The following CLRN3 variants were observed in gnomAD, a reference collection of about 807,000 sequenced individuals.
CLRN3 encodes clarin 3.
A neutral mutation model predicts 16.7 loss-of-function variants in CLRN3; 12 were observed. The observed-to-expected ratio is 0.72, with a 90% confidence interval of 0.46 to 1.16. CLRN3 has a LOEUF of 1.16. Ranked by LOEUF, CLRN3 falls within the 50% of genes most tolerant of loss-of-function variation. The pLI, the probability that CLRN3 is intolerant of heterozygous loss-of-function variation, is 0.00. For synonymous variants in CLRN3, 118 were observed against 113.0 expected, an observed-to-expected ratio of 1.04 and a Z score of -0.28; for missense variants, 296 against 274.2, an observed-to-expected ratio of 1.08 and a Z score of -0.56.
At chr10:127,888,274 G>A (rs188277023) in intron 1 of CLRN3, among the ~76,000 whole-genome samples, 1 of 152,326 alleles carries the variant, frequency 6.6e-6, no homozygotes, top group African/African-American at 2.4e-5. Flanking sequence ...AGGGAGCCCA[G>A]GCTGGTGCCC....
At chr10:127,885,831 C>A (rs1201204200) in intron 1 of CLRN3, among the ~76,000 whole-genome samples, 2 of 152,094 alleles carry the variant, frequency 1.3e-5, no homozygotes, top group Non-Finnish European at 2.9e-5. Context: ...TCTCGGCTCA[C>A]CCCAACCTCC....
At chr10:127,886,192 G>A (rs6482993) in intron 1 of CLRN3, among the ~76,000 whole-genome samples, 46,347 of 152,178 alleles carry the variant, frequency 0.3, 7,262 homozygotes, top group African/African-American at 0.36. Flanking sequence ...CCAGATAGAC[G>A]TGGGGCTCCC....
intron 1 of CLRN3, among the ~76,000 whole-genome samples, chr10:127,888,116 G>A (rs532244414): frequency 1.2e-3 from 181 of 152,338 alleles, no homozygotes; most frequent in African/African-American, 4.2e-3. Context: ...GGGAGAGCCC[G>A]TGGCTTTGTG....
At chr10:127,890,910 G>GA (rs1189319221) in intron 1 of CLRN3, among the ~76,000 whole-genome samples, 22 of 151,872 alleles carry the variant, frequency 1.4e-4, no homozygotes, top group African/African-American at 5.1e-4. Context: ...GGCTCTGAGA[G>GA]GTCCTTAGGT....
Position 127,892,617 on chromosome 10 carries a change from A to T in CLRN3, c.168T>A (p.Phe56Leu). Reference sequence around the variant, plus strand: ...TCAATTCTTCACTACTCTCCCCACGAAAAAGTCCGTAAGTGATGAAAATGC... The same window carrying T: ...TCAATTCTTCACTACTCTCCCCACGTAAAAGTCCGTAAGTGATGAAAATGC... Reference protein sequence around the residue: ...NGSIFITYGLFRGESSEELSH... With the variant: ...NGSIFITYGLLRGESSEELSH... Residue 56 changes from phenylalanine (F) to leucine (L), a missense_variant, in exon 1 of 3, where the codon TTT becomes TTA. Phe to Leu is a conservative substitution (Grantham distance 22). Transcript: ENST00000368671. 1 of 1,613,442 alleles carries T rather than the reference A, an allele frequency of 6.2e-7. No homozygotes were observed. The highest frequency in any genetic ancestry group is 8.5e-7 in the Non-Finnish European group (1 of 1,179,356).
chr10:127,887,946 G>A (rs376654210), intron 1 of CLRN3, among the ~76,000 whole-genome samples: 2 of 152,154 alleles, frequency 1.3e-5, no homozygotes, highest in Admixed American at 6.5e-5. Flanking sequence ...CGCAGATCCC[G>A]CACCTGGGAG....
intron 1 of CLRN3, among the ~76,000 whole-genome samples, chr10:127,889,105 A>G (rs1009626408): frequency 3.3e-5 from 5 of 152,174 alleles, no homozygotes; most frequent in African/African-American, 9.6e-5. Flanking sequence ...TCACATGAGG[A>G]GAAATATCTC....
rs1429434932 is a variant in CLRN3 at position 127,877,878 on chromosome 10, C to T, written c.*271G>A. 1.0e-5 allele frequency: 4 copies of T among 400,668 alleles called. No homozygotes were observed. The highest frequency in any genetic ancestry group is 4.7e-5 in the East Asian group (1 of 21,462). The allele number at this position is 400,668 out of a possible 1,614,324, so 24.8% of individuals were successfully genotyped here. On this transcript the variant is annotated 3_prime_UTR_variant, in exon 3 of 3. Coordinates refer to ENST00000368671, the MANE Select transcript of CLRN3 (RefSeq NM_152311.5). ...GACACAGCCTTTTATTATTTCAGAT[C>T]GTGAGACCAGGTCAGAAGGGTCGTT...
In CLRN3 at chr10:127,883,677, G is replaced by C. The variant is rs1234340578; in HGVS notation, c.409+19C>G. 6.3e-7 allele frequency: 1 copy of C among 1,579,154 alleles called. No homozygotes were observed. The highest frequency in any genetic ancestry group is 1.1e-5 in the South Asian group (1 of 90,346). ...GATGCAGTTTTCTGCAGAGCACCGAGTCTCACAGGGCCACTCACCACCGAG... is the reference window on the plus strand; with the variant it reads ...GATGCAGTTTTCTGCAGAGCACCGACTCTCACAGGGCCACTCACCACCGAG... On this transcript the variant is annotated intron_variant, in intron 2 of 2. Transcript: ENST00000368671.
intron 2 of CLRN3, among the ~76,000 whole-genome samples, chr10:127,880,816 G>C (rs11018385): frequency 0.93 from 140,873 of 152,076 alleles, 65,317 homozygotes; most frequent in East Asian, 1. Flanking sequence ...AAAACCAGCC[G>C]CTAGGAGTTT....
rs919227934 is a variant in CLRN3 at position 127,883,944 on chromosome 10, A to C, written c.230-69T>G. The C allele has an allele frequency of 5.6e-6, 8 of 1,418,002 alleles. No individual in the cohort carries two copies. The African/African-American group carries it at 9.9e-5, about 18-fold the overall frequency. 87.8% of individuals were successfully genotyped at this position (1,418,002 alleles called of 1,614,324 possible). A position where few individuals can be genotyped will look rare whatever the true frequency, so the allele number is the denominator to read the frequency against. On this transcript the variant is annotated intron_variant, in intron 1 of 2. Coordinates refer to ENST00000368671, the MANE Select transcript of CLRN3 (RefSeq NM_152311.5). ...CAGCTCTGGCCTGGCATTCCTCCCCACCCTACCCTCTTAGTGACTTGAGTT... is the reference window on the plus strand; with the variant it reads ...CAGCTCTGGCCTGGCATTCCTCCCCCCCCTACCCTCTTAGTGACTTGAGTT...
chr10:127,892,420 G>A (rs1048297945), intron 1 of CLRN3, 136 bp downstream of exon 1: 5 of 623,816 alleles, frequency 8.0e-6, no homozygotes, highest in African/African-American at 7.4e-5. Flanking sequence ...CCAAAATTAT[G>A]AGTTAAGCTT....
intron 2 of CLRN3, among the ~76,000 whole-genome samples, chr10:127,879,413 T>G (rs570611464): frequency 1.3e-5 from 2 of 152,304 alleles, no homozygotes; most frequent in African/African-American, 2.4e-5. Flanking sequence ...TTCTTCAGTA[T>G]AGACTTGGGA....
chr10:127,877,988 T>A lies in CLRN3; in HGVS notation c.*161A>T. ...TTTCCCCAACCTTGTGGGAAAAATTTTCAGGAGTACAGCATCAATGAAGAA... is the reference window on the plus strand; with the variant it reads ...TTTCCCCAACCTTGTGGGAAAAATTATCAGGAGTACAGCATCAATGAAGAA... On this transcript the variant is annotated 3_prime_UTR_variant, in exon 3 of 3. Coordinates refer to ENST00000368671, the MANE Select transcript of CLRN3 (RefSeq NM_152311.5). 1 of 886,776 alleles carries A rather than the reference T, an allele frequency of 1.1e-6. No homozygotes were observed. Among genetic ancestry groups the A allele is most frequent in the Non-Finnish European group, 1.7e-6 (1 of 598,592 alleles). The allele number at this position is 886,776 out of a possible 1,614,324, so 54.9% of individuals were successfully genotyped here. A position where few individuals can be genotyped will look rare whatever the true frequency, so the allele number is the denominator to read the frequency against.
intron 2 of CLRN3, among the ~76,000 whole-genome samples, chr10:127,878,623 G>A (rs1845089813): frequency 6.6e-6 from 1 of 152,214 alleles, no homozygotes; most frequent in Non-Finnish European, 1.5e-5. Context: ...GCAGGGCTGT[G>A]TATGACCAAT....
intron 2 of CLRN3, among the ~76,000 whole-genome samples, chr10:127,883,408 G>A (rs961706940): frequency 1.3e-5 from 2 of 152,220 alleles, no homozygotes; most frequent in African/African-American, 4.8e-5. Context: ...TCAATATTTT[G>A]TTGACTTTTG....
rs374334834 is a variant in CLRN3 at position 127,892,587 on chromosome 10, G to A, written c.198C>T (p.His66=). 516 of 1,608,082 alleles carry A rather than the reference G, an allele frequency of 3.2e-4. 4 individuals are homozygous for A. In the South Asian group the frequency reaches 4.4e-3, roughly 14 times the overall value. The change falls in exon 1 of 3, where the codon CAC becomes CAT. Residue 66 remains histidine (H), a synonymous_variant. Coordinates refer to ENST00000368671, the MANE Select transcript of CLRN3 (RefSeq NM_152311.5). ...ACTTTTTCTTTGGTTCTGCAAGTCCGTGACTCAATTCTTCACTACTCTCCC... is the reference window on the plus strand; with the variant it reads ...ACTTTTTCTTTGGTTCTGCAAGTCCATGACTCAATTCTTCACTACTCTCCC... The part of the protein sequence containing the change: ...FRGESSEELS[H]GLAEPKKKFA...
In CLRN3 at chr10:127,892,567, T is replaced by C. The variant is rs755393004; in HGVS notation, c.218A>G (p.Lys73Arg). 1.1e-5 allele frequency: 18 copies of C among 1,578,976 alleles called. No individual in the cohort carries two copies. The highest frequency in any genetic ancestry group is 3.3e-5 in the Admixed American group (2 of 59,964). The change falls in exon 1 of 3, where the codon AAA becomes AGA. Residue 73 changes from lysine to arginine, a missense_variant. Physicochemically the swap from Lys to Arg is conservative, Grantham distance 26 (BLOSUM62 2). Coordinates refer to ENST00000368671, the MANE Select transcript of CLRN3 (RefSeq NM_152311.5). The stretch of plus-strand genomic sequence containing the variant: ...AGTTTATCATTTACCTGCAAACTTT[T>C]TCTTTGGTTCTGCAAGTCCGTGACT... ...ELSHGLAEPKKKFAVLEILNN... is the reference protein window; with the variant it reads ...ELSHGLAEPKRKFAVLEILNN...
intron 1 of CLRN3, among the ~76,000 whole-genome samples, chr10:127,886,248 A>G (rs934691799): frequency 1.1e-4 from 17 of 152,338 alleles, no homozygotes; most frequent in African/African-American, 3.6e-4. Context: ...TCATCACTCC[A>G]TTTTTGAACC....
Sources: gnomAD v4.1 joint callset for allele counts (sites outside exome capture counted in the v4.1 genomes callset) on GRCh38, gnomAD v4.1.1 for gene constraint, MANE v1.5 for transcripts, NCBI Gene and HGNC (gene_info 2026-07-23, HGNC 2026-07-21) for gene names.